The following GNL3L variants were observed in gnomAD, a reference collection of about 807,000 sequenced individuals.
GNL3L encodes guanine nucleotide-binding protein-like 3-like protein.
Under a neutral mutation model 42.9 loss-of-function variants are expected in GNL3L, and 4 were observed. The observed-to-expected ratio is 0.09, with a 90% CI of 0.05 to 0.21. GNL3L has a LOEUF of 0.21. Ranked by LOEUF, GNL3L falls within the 10% of genes least tolerant of loss-of-function variation. The probability of loss-of-function intolerance (pLI) is 1.00; values close to 1 mark genes in which losing one functional copy is unlikely to be tolerated. For missense variants in GNL3L, 412 were observed against 481.7 expected, an observed-to-expected ratio of 0.86 and a Z score of 1.36; for synonymous variants, 159 against 176.3, an observed-to-expected ratio of 0.90 and a Z score of 0.78.
At chrX:54,553,466 A>C (rs1170637812) in intron 13 of GNL3L, among the ~76,000 whole-genome samples, 1 of 112,214 alleles carries the variant, frequency 8.9e-6, no homozygotes, top group African/African-American at 3.2e-5. Flanking sequence ...CACGAGGTTA[A>C]GAGGACTTGC....
rs1434494799 is a variant in GNL3L at position 54,562,102 on chromosome X, A to G, written c.*1500A>G. On this transcript the variant is annotated 3_prime_UTR_variant, in exon 16 of 16. Coordinates refer to ENST00000360845, the MANE Select transcript of GNL3L (RefSeq NM_001184819.2). ...GCTCTGTTGCCCAGGCTGGAGTGCAATGGCGTGATCTCGGCTCACTGCAAC... is the reference window on the plus strand; with the variant it reads ...GCTCTGTTGCCCAGGCTGGAGTGCAGTGGCGTGATCTCGGCTCACTGCAAC... Among the ~76,000 whole-genome samples the G allele has an allele frequency of 3.6e-5, 4 of 111,761 alleles. No homozygotes were observed. The highest frequency in any genetic ancestry group is 9.8e-5 in the African/African-American group (3 of 30,726).
At chrX:54,634,678 G>A in the GNL3L span, among the ~76,000 whole-genome samples, 4 of 101,784 alleles carry the variant, frequency 3.9e-5, no homozygotes, top group Non-Finnish European at 8.0e-5. Flanking sequence ...TAGTAGACAC[G>A]GGGTTTCACC....
At chrX:54,601,297 C>T (rs1331982515) in intron 16 of GNL3L, among the ~76,000 whole-genome samples, 1 of 111,526 alleles carries the variant, frequency 9.0e-6, no homozygotes, top group African/African-American at 3.3e-5. Context: ...TTGCACAATC[C>T]TGGAAATATA....
chrX:54,629,808 C>G, the GNL3L span, among the ~76,000 whole-genome samples: 1 of 111,790 alleles, frequency 8.9e-6, no homozygotes, highest in Admixed American at 9.5e-5. Context: ...TTTACTCTAT[C>G]TTTTGCAATA....
At chrX:54,614,275 C>G (rs1225732512) in intron 16 of GNL3L, among the ~76,000 whole-genome samples, 1 of 111,328 alleles carries the variant, frequency 9.0e-6, no homozygotes, top group Non-Finnish European at 1.9e-5. Context: ...CACTGTGCCC[C>G]CACAACAGCC....
intron 16 of GNL3L, among the ~76,000 whole-genome samples, chrX:54,573,189 G>A (rs2147509919): frequency 8.9e-6 from 1 of 112,421 alleles, no homozygotes; most frequent in African/African-American, 3.2e-5. Flanking sequence ...GGAGGCCAAG[G>A]CAGGCGGCTG....
downstream of GNL3L, among the ~76,000 whole-genome samples, chrX:54,568,627 C>T (rs763696759): frequency 9.1e-6 from 1 of 109,412 alleles, no homozygotes; most frequent in Non-Finnish European, 1.9e-5. Flanking sequence ...GATCTCCGCT[C>T]ACTGCAACCT....
At position 54,561,895 on chromosome X, in the gene GNL3L, C is replaced by T. The variant is rs1445502754; in HGVS notation, c.*1293C>T. 1.8e-5 allele frequency among the ~76,000 whole-genome samples: 2 copies of T among 111,736 alleles called. No homozygotes were observed. Among genetic ancestry groups the T allele is most frequent in the Non-Finnish European group, 3.8e-5 (2 of 53,092 alleles). On this transcript the variant is annotated 3_prime_UTR_variant, in exon 16 of 16. Transcript: ENST00000360845. ...AGTGAGCCCAAGCAGTGCCAGAGGC[C>T]CTCAGAAAGGGATTAGGGTAGATGA...
At chrX:54,569,782 G>A (rs1925517537), downstream of GNL3L, among the ~76,000 whole-genome samples, 1 of 111,375 alleles carries the variant, frequency 9.0e-6, no homozygotes. Context: ...TTATTGTTTC[G>A]TTTTGCTTAT....
chrX:54,640,898 C>T, the GNL3L span, among the ~76,000 whole-genome samples: 3 of 111,781 alleles, frequency 2.7e-5, no homozygotes, highest in East Asian at 2.8e-4. Flanking sequence ...ACCAAAGGTT[C>T]GGGGACAACT....
intron 16 of GNL3L, among the ~76,000 whole-genome samples, chrX:54,604,013 T>A (rs775502606): frequency 9.0e-6 from 1 of 111,071 alleles, no homozygotes; most frequent in Non-Finnish European, 1.9e-5. Flanking sequence ...GGCACATGCC[T>A]GTAGTCCCAG....
chrX:54,535,995 T>G lies in GNL3L; in HGVS notation c.20-3045T>G, dbSNP rs1431870809. On this transcript the variant is annotated intron_variant, in intron 2 of 15. Coordinates refer to ENST00000360845, the MANE Select transcript of GNL3L (RefSeq NM_001184819.2). ...CAGGCTGGAGTGCAGTGGTGCGATC[T>G]TGGCTCACTGCAACCTCCACCTCCT... 8.2e-4 allele frequency among the ~76,000 whole-genome samples: 90 copies of G among 109,417 alleles called. 2 individuals carry two copies. The highest frequency in any genetic ancestry group is 3.8e-5 in the Non-Finnish European group (2 of 52,527).
rs750731737 is a variant in GNL3L at position 54,542,936 on chromosome X, CT to C, written c.307-10del. On this transcript the variant is annotated intron_variant, in intron 5 of 15. Coordinates refer to ENST00000360845, the MANE Select transcript of GNL3L (RefSeq NM_001184819.2). ...TCCCCCTCCTCCCCTGGACCATTCT[CT>C]TTTTTTTTCTCCTTTAGGAGGAAGT... 68 of 1,049,248 alleles carry C rather than the reference CT, an allele frequency of 6.5e-5. No homozygotes were observed. The highest frequency in any genetic ancestry group is 8.4e-5 in the Non-Finnish European group (63 of 752,926). 86.5% of individuals were successfully genotyped at this position (1,049,248 alleles called of 1,213,427 possible).
At chrX:54,615,618 T>C (rs1053336972) in intron 16 of GNL3L, among the ~76,000 whole-genome samples, 1 of 112,109 alleles carries the variant, frequency 8.9e-6, no homozygotes, top group African/African-American at 3.2e-5. Context: ...CTACTAAGTA[T>C]TTCCACCTCT....
At chrX:54,535,260 A>G (rs1924385184) in intron 2 of GNL3L, among the ~76,000 whole-genome samples, 1 of 110,742 alleles carries the variant, frequency 9.0e-6, no homozygotes, top group African/African-American at 3.3e-5. Context: ...TTGGGATTAC[A>G]GGTGCCTGCC....
At chrX:54,620,028 A>G (rs1031117149) in intron 16 of GNL3L, among the ~76,000 whole-genome samples, 5 of 111,381 alleles carry the variant, frequency 4.5e-5, no homozygotes, top group African/African-American at 1.6e-4. Flanking sequence ...ATAATGGGGT[A>G]CATGAAATTT....
In GNL3L at chrX:54,543,313, A is replaced by G; in HGVS notation, c.497A>G (p.Lys166Arg). 3.3e-6 allele frequency: 4 copies of G among 1,211,430 alleles called. No individual in the cohort carries two copies. The highest frequency in any genetic ancestry group is 4.5e-6 in the Non-Finnish European group (4 of 895,349). Residue 166 changes from lysine (K) to arginine (R), a missense_variant, in exon 7 of 16, where the codon AAG becomes AGG. By Grantham distance (26) the Lys-to-Arg change is conservative. Coordinates refer to ENST00000360845, the MANE Select transcript of GNL3L (RefSeq NM_001184819.2). Reference sequence around the variant, plus strand: ...GCTGTCCTGCGAGCACAAGGCAACAAGAAGCTGGTCCTGGTCTTGAACAAG... The same window carrying G: ...GCTGTCCTGCGAGCACAAGGCAACAGGAAGCTGGTCCTGGTCTTGAACAAG... Reference protein sequence around the residue: ...EEAVLRAQGNKKLVLVLNKID... With the variant: ...EEAVLRAQGNRKLVLVLNKID...
intron 16 of GNL3L, among the ~76,000 whole-genome samples, chrX:54,593,039 T>G (rs1391145862): frequency 9.0e-6 from 1 of 111,281 alleles, no homozygotes; most frequent in Non-Finnish European, 1.9e-5. Flanking sequence ...GTTGAGGATT[T>G]TTGCATCAAT....
At chrX:54,538,149 C>T (rs748158555) in intron 2 of GNL3L, among the ~76,000 whole-genome samples, 1 of 110,772 alleles carries the variant, frequency 9.0e-6, no homozygotes, top group African/African-American at 3.3e-5. Context: ...CCAGATCACA[C>T]CACTGCACTC....
Sources: gnomAD v4.1 joint callset for allele counts (sites outside exome capture counted in the v4.1 genomes callset) on GRCh38, gnomAD v4.1.1 for gene constraint, MANE v1.5 for transcripts, NCBI Gene and HGNC (gene_info 2026-07-23, HGNC 2026-07-21) for gene names.